The following ETV7 variants were observed in gnomAD, a reference collection of about 807,000 sequenced individuals.
The protein encoded by ETV7 is transcription factor ETV7.
In ETV7, 43 loss-of-function variants were observed where a neutral mutation model predicts 39.1. The observed-to-expected ratio is 1.10, with a 90% CI of 0.86 to 1.42. The LOEUF is 1.42. Ranked by LOEUF, ETV7 falls within the 40% of genes most tolerant of loss-of-function variation. ETV7 has a pLI of 0.00. For synonymous variants in ETV7, 196 were observed against 176.6 expected, an observed-to-expected ratio of 1.11 and a Z score of -0.87; for missense variants, 432 against 442.3, an observed-to-expected ratio of 0.98 and a Z score of 0.21.
intron 4 of ETV7, 147 bp from the exon 5 acceptor site, chr6:36,371,707 C>G: frequency 1.4e-6 from 1 of 719,224 alleles, no homozygotes; most frequent in Non-Finnish European, 2.4e-6. Flanking sequence ...GTCAGGGAGG[C>G]AGTGGGGGGC....
chr6:36,383,909 C>T (rs922546017), intron 2 of ETV7, among the ~76,000 whole-genome samples: 6 of 152,242 alleles, frequency 3.9e-5, no homozygotes, highest in Non-Finnish European at 5.9e-5. Flanking sequence ...TGAAGGCTGC[C>T]GAATGCCCCA....
chr6:36,383,915 C>T (rs932525080), intron 2 of ETV7, among the ~76,000 whole-genome samples: 1 of 152,230 alleles, frequency 6.6e-6, no homozygotes, highest in Non-Finnish European at 1.5e-5. Flanking sequence ...CTGCCGAATG[C>T]CCCATCTGAC....
intron 2 of ETV7, among the ~76,000 whole-genome samples, chr6:36,383,868 C>T (rs1372962005): frequency 6.6e-6 from 1 of 152,224 alleles, no homozygotes; most frequent in Admixed American, 6.5e-5. Context: ...TGGGGCCCTG[C>T]CCATAGGCCC....
chr6:36,363,205 C>G (rs111385696), downstream of ETV7, among the ~76,000 whole-genome samples: 3 of 152,190 alleles, frequency 2.0e-5, no homozygotes, highest in African/African-American at 7.2e-5. Flanking sequence ...CGCGGTGAGT[C>G]TTACAGCTCT....
In ETV7 at chr6:36,373,529, G is replaced by A; in HGVS notation, c.357C>T (p.Ala119=). 1.3e-6 allele frequency: 2 copies of A among 1,552,592 alleles called. No individual in the cohort carries two copies. The highest frequency in any genetic ancestry group is 2.4e-5 in the South Asian group (2 of 83,134). ...LLQYIKTQRR[A]LVCGPFFGGI... is the part of the protein sequence containing the mutation. Reference sequence around the variant, plus strand: ...CTCCAAAAAAGGGCCCACACACCAGGGCTCGCCGCTGGGTCTTGATGTACT... The same window carrying A: ...CTCCAAAAAAGGGCCCACACACCAGAGCTCGCCGCTGGGTCTTGATGTACT... The change falls in exon 4 of 8, where the codon GCC becomes GCT. Residue 119 remains alanine (A), a synonymous_variant. Coordinates refer to ENST00000340181, the MANE Select transcript of ETV7 (RefSeq NM_016135.4).
rs183232283 is a variant in ETV7 at position 36,367,865 on chromosome 6, C to T, written c.808-890G>A. 5.4e-4 allele frequency among the ~76,000 whole-genome samples: 82 copies of T among 152,088 alleles called. No individual in the cohort carries two copies. The South Asian group carries it at 0.011, about 21-fold the overall frequency. ...ACATAATGAAAAGGAGAACACCCATCGCATAAGTCAAGGATTAAATTATTA... is the reference window on the plus strand; with the variant it reads ...ACATAATGAAAAGGAGAACACCCATTGCATAAGTCAAGGATTAAATTATTA... On this transcript the variant is annotated intron_variant, in intron 6 of 7. Coordinates refer to ENST00000340181, the MANE Select transcript of ETV7 (RefSeq NM_016135.4).
At chr6:36,376,980 C>T (rs148812716) in intron 2 of ETV7, among the ~76,000 whole-genome samples, 6 of 152,218 alleles carry the variant, frequency 3.9e-5, no homozygotes, top group African/African-American at 1.4e-4. Context: ...AAGGGAGCCT[C>T]CTACACTCAC....
intron 2 of ETV7, among the ~76,000 whole-genome samples, chr6:36,380,950 A>G (rs943283601): frequency 1.3e-5 from 2 of 151,906 alleles, no homozygotes; most frequent in African/African-American, 4.8e-5. Context: ...ATTGTTCCCA[A>G]CTACCAAGCC....
chr6:36,363,997 CAG>C (rs1480857528), downstream of ETV7, among the ~76,000 whole-genome samples: 4 of 151,634 alleles, frequency 2.6e-5, no homozygotes, highest in East Asian at 1.9e-4. Context: ...CAGCTAGATA[CAG>C]AGTGTGGATT....
chr6:36,373,601 G>GGGGGGGCC, intron 3 of ETV7, 23 bp from the exon 4 acceptor site: 1 of 475,644 alleles, frequency 2.1e-6, no homozygotes, highest in African/African-American at 2.1e-5. Flanking sequence ...GGGAGGGAGG[G>GGGGGGGCC]CAGGCTGCTG....
chr6:36,362,774 A>C (rs1772543646), downstream of ETV7, among the ~76,000 whole-genome samples: 1 of 152,198 alleles, frequency 6.6e-6, no homozygotes, highest in African/African-American at 2.4e-5. Context: ...CTCTCCTAGT[A>C]GCCCAACCCG....
At chr6:36,373,601 G>GCC in intron 3 of ETV7, 23 bp from the exon 4 acceptor site, 7 of 475,608 alleles carry the variant, frequency 1.5e-5, no homozygotes, top group Non-Finnish European at 2.8e-5. Context: ...GGGAGGGAGG[G>GCC]CAGGCTGCTG....
chr6:36,387,406 T>C (rs1353686447), intron 1 of ETV7, 130 bp downstream of exon 1: 3 of 1,302,322 alleles, frequency 2.3e-6, no homozygotes, highest in African/African-American at 1.5e-5. Flanking sequence ...TTTAGGAATG[T>C]GTTGGAAAGA....
chr6:36,371,613 A>G lies in ETV7; in HGVS notation c.434-53T>C, dbSNP rs1170074255. 2.1e-6 allele frequency: 3 copies of G among 1,440,726 alleles called. No homozygotes were observed. In the African/African-American group the frequency reaches 4.2e-5, roughly 20 times the overall value. 89.2% of individuals were successfully genotyped at this position (1,440,726 alleles called of 1,614,324 possible). ...CAGGCAGTGGGCCCCAAGCCTCCCC[A>G]ACTCAATCCCTCAATGGTGAGCCTG... On this transcript the variant is annotated intron_variant, in intron 4 of 7. Coordinates refer to ENST00000340181, the MANE Select transcript of ETV7 (RefSeq NM_016135.4).
exon 8 of ETV7, chr6:36,354,508 C>T (rs1029525165): frequency 1.9e-6 from 1 of 532,380 alleles, no homozygotes; most frequent in African/African-American, 1.9e-5. Context: ...GTTGAAAAAA[C>T]TGTTCTTAAT....
chr6:36,361,442 T>C (rs1292598138), downstream of ETV7, among the ~76,000 whole-genome samples: 1 of 152,196 alleles, frequency 6.6e-6, no homozygotes, highest in Non-Finnish European at 1.5e-5. Flanking sequence ...GAGTAGAAAA[T>C]GTGGATCACT....
At position 36,387,623 on chromosome 6, in the gene ETV7, C is replaced by T. The variant is rs1301410961; in HGVS notation, c.-82G>A. 3.3e-6 allele frequency: 5 copies of T among 1,516,222 alleles called. No individual in the cohort carries two copies. The highest frequency in any genetic ancestry group is 4.6e-6 in the Non-Finnish European group (5 of 1,098,056). 93.9% of individuals were successfully genotyped at this position (1,516,222 alleles called of 1,614,324 possible). A position where few individuals can be genotyped will look rare whatever the true frequency, so the allele number is the denominator to read the frequency against. On this transcript the variant is annotated 5_prime_UTR_variant, in exon 1 of 8. Transcript: ENST00000340181. The stretch of plus-strand genomic sequence containing the variant: ...GGCTGCTGGGGCCCTAGGCCCGCGC[C>T]CCGCAGTCCTCCTCCGCCAAACCCC...
At chr6:36,355,327 A>G (rs1561895133) in intron 7 of ETV7, among the ~76,000 whole-genome samples, 1 of 151,598 alleles carries the variant, frequency 6.6e-6, no homozygotes, top group African/African-American at 2.4e-5. Flanking sequence ...TTCCCTATCT[A>G]TTGAGATGAT....
At chr6:36,367,560 T>G (rs1328113794) in intron 6 of ETV7, among the ~76,000 whole-genome samples, 1 of 152,198 alleles carries the variant, frequency 6.6e-6, no homozygotes, top group Non-Finnish European at 1.5e-5. Flanking sequence ...AACTGCATGT[T>G]ACTTTTAAAC....
Sources: allele counts gnomAD v4.1 joint callset (sites outside exome capture counted in the v4.1 genomes callset), GRCh38; gene constraint gnomAD v4.1.1; transcripts MANE v1.5; gene names NCBI Gene and HGNC (gene_info 2026-07-23, HGNC 2026-07-21).